The following FAM13B variants were observed in gnomAD, a reference collection of about 807,000 sequenced individuals.
The protein encoded by FAM13B is family with sequence similarity 13 member B.
FAM13B carries 60 observed loss-of-function variants against 117.3 expected under a neutral mutation model. The observed-to-expected ratio is 0.51, with a 90% CI of 0.42 to 0.63. FAM13B has a LOEUF of 0.63. Ranked by LOEUF, FAM13B falls within the 30% of genes least tolerant of loss-of-function variation. FAM13B has a pLI of 0.00. For synonymous variants in FAM13B, 332 were observed against 356.1 expected (o/e 0.93, Z 0.76); for missense variants, 972 against 1,091.9 (o/e 0.89, Z 1.55).
chr5:138,027,748 A>G (rs561335461), intron 1 of FAM13B, among the ~76,000 whole-genome samples: 2 of 152,332 alleles, frequency 1.3e-5, no homozygotes, highest in South Asian at 4.1e-4. Flanking sequence ...AATCTCATCT[A>G]GAATTGTAAT....
Position 137,955,735 on chromosome 5 carries a change from G to A in FAM13B, c.1507+742C>T, listed in dbSNP as rs566664180. Among the ~76,000 whole-genome samples, 13 of 152,170 alleles carry A rather than the reference G, an allele frequency of 8.5e-5. No individual in the cohort carries two copies. The East Asian group carries it at 1.4e-3, about 16-fold the overall frequency. The stretch of plus-strand genomic sequence containing the variant: ...CAACCTCTGCCTCCTGGGTTCAAGC[G>A]ATTCTCCTGCCTCAGCCTCCCAAGG... On this transcript the variant is annotated intron_variant, in intron 14 of 23. Coordinates refer to ENST00000689681, the MANE Select transcript of FAM13B (RefSeq NM_001385994.1).
intron 20 of FAM13B, among the ~76,000 whole-genome samples, chr5:137,944,763 C>CA (rs56204519): frequency 3.4e-5 from 5 of 147,600 alleles, no homozygotes; most frequent in African/African-American, 1.0e-4. Flanking sequence ...ATCTCAAAAA[C>CA]AAAAAAAAAA....
At chr5:137,941,123 T>C (rs950208952) in intron 23 of FAM13B, among the ~76,000 whole-genome samples, 1 of 152,082 alleles carries the variant, frequency 6.6e-6, no homozygotes, top group Non-Finnish European at 1.5e-5. Flanking sequence ...TTAGCCAGGA[T>C]GGTCTTGATC....
intron 1 of FAM13B, among the ~76,000 whole-genome samples, chr5:138,026,470 T>C (rs968247283): frequency 1.4e-4 from 19 of 139,786 alleles, no homozygotes; most frequent in African/African-American, 5.1e-4. Flanking sequence ...TACAAAAAAG[T>C]ACAAAAATTA....
chr5:138,005,113 T>C (rs1782223011), intron 7 of FAM13B, among the ~76,000 whole-genome samples: 1 of 152,154 alleles, frequency 6.6e-6, no homozygotes, highest in Non-Finnish European at 1.5e-5. Context: ...GATGCGTGCC[T>C]ATAGTCTCAG....
chr5:137,993,335 A>G (rs1007730946), intron 7 of FAM13B, among the ~76,000 whole-genome samples: 2 of 152,128 alleles, frequency 1.3e-5, no homozygotes, highest in Non-Finnish European at 2.9e-5. Context: ...TTACTTTCCA[A>G]TACAAAATGA....
intron 7 of FAM13B, among the ~76,000 whole-genome samples, chr5:137,990,694 C>A (rs1170409850): frequency 2.0e-5 from 3 of 152,088 alleles, no homozygotes; most frequent in African/African-American, 7.2e-5. Context: ...GTGGCTCATG[C>A]CTCAAGTCCC....
intron 10 of FAM13B, among the ~76,000 whole-genome samples, chr5:137,974,162 T>G (rs1345135480): frequency 1.3e-5 from 2 of 150,592 alleles, no homozygotes; most frequent in Non-Finnish European, 3.0e-5. Context: ...ACACGTATGT[T>G]TATTGCAGCA....
chr5:137,980,606 C>T (rs1488542291), intron 10 of FAM13B, among the ~76,000 whole-genome samples: 1 of 152,036 alleles, frequency 6.6e-6, no homozygotes, highest in African/African-American at 2.4e-5. Context: ...CCTAGCCTGG[C>T]TAATTTTTAT....
intron 1 of FAM13B, among the ~76,000 whole-genome samples, chr5:138,026,287 G>A (rs1788336276): frequency 6.6e-6 from 1 of 152,074 alleles, no homozygotes; most frequent in African/African-American, 2.4e-5. Flanking sequence ...GTATTGAGCT[G>A]GACATGCTGT....
At chr5:137,991,865 T>G (rs1778675292) in intron 7 of FAM13B, among the ~76,000 whole-genome samples, 1 of 152,176 alleles carries the variant, frequency 6.6e-6, no homozygotes, top group Non-Finnish European at 1.5e-5. Flanking sequence ...AAAGATTTCT[T>G]AAACATGACA....
At chr5:138,034,812 C>T (rs1234543018), upstream of FAM13B, among the ~76,000 whole-genome samples, 2 of 151,914 alleles carry the variant, frequency 1.3e-5, no homozygotes, top group Non-Finnish European at 2.9e-5. Context: ...AATATGATTG[C>T]TTCAAAAGCT....
upstream of FAM13B, among the ~76,000 whole-genome samples, chr5:138,033,566 C>G (rs1221508790): frequency 6.6e-6 from 1 of 152,182 alleles, no homozygotes; most frequent in Admixed American, 6.5e-5. Context: ...CCCTTCACCT[C>G]AGGACCTGAC....
At chr5:138,017,583 T>G (rs1785581505) in intron 4 of FAM13B, among the ~76,000 whole-genome samples, 1 of 152,224 alleles carries the variant, frequency 6.6e-6, no homozygotes, top group South Asian at 2.1e-4. Flanking sequence ...TCCTATATAA[T>G]GAAGCATGTC....
At chr5:137,989,896 G>GA (rs148450551) in intron 7 of FAM13B, among the ~76,000 whole-genome samples, 25,752 of 151,992 alleles carry the variant, frequency 0.17, 2,297 homozygotes, top group African/African-American at 0.18. Context: ...AAGCTGGGGG[G>GA]AAAAAACCCC....
intron 15 of FAM13B, 106 bp downstream of exon 15, chr5:137,954,060 T>TTG: frequency 1.9e-6 from 1 of 523,716 alleles, no homozygotes; most frequent in Non-Finnish European, 3.2e-6. Context: ...TTTTTTTTTT[T>TTG]GAGATGGAGT....
intron 10 of FAM13B, among the ~76,000 whole-genome samples, chr5:137,973,368 CTA>C (rs939479536): frequency 5.3e-5 from 8 of 151,608 alleles, no homozygotes; most frequent in Non-Finnish European, 7.4e-5. Context: ...AAAGGATTCC[CTA>C]TTTAATAAAT....
intron 1 of FAM13B, among the ~76,000 whole-genome samples, chr5:138,045,530 C>G (rs1372102953): frequency 6.6e-6 from 1 of 151,334 alleles, no homozygotes; most frequent in Non-Finnish European, 1.5e-5. Flanking sequence ...CAGACCCCAT[C>G]TCAAAAACAA....
rs1469331689 is a variant in FAM13B at position 138,018,577 on chromosome 5, C to T, written c.158-63G>A. ...TGTCAACTGCTTGACCATATATATT[C>T]ATTCTCCAATTAACTTAAAATACTC... On this transcript the variant is annotated intron_variant, in intron 3 of 23. Coordinates refer to ENST00000689681, the MANE Select transcript of FAM13B (RefSeq NM_001385994.1). 3.5e-6 allele frequency: 5 copies of T among 1,434,134 alleles called. No homozygotes were observed. In the East Asian group the frequency reaches 1.1e-4, roughly 33 times the overall value. The allele number at this position is 1,434,134 out of a possible 1,614,324, so 88.8% of individuals were successfully genotyped here.
Sources: allele counts gnomAD v4.1 joint callset (sites outside exome capture counted in the v4.1 genomes callset), GRCh38; gene constraint gnomAD v4.1.1; transcripts MANE v1.5; gene names NCBI Gene and HGNC (gene_info 2026-07-23, HGNC 2026-07-21).